PTPRT: variants seen among roughly 807,000 people sequenced by gnomAD.
PTPRT encodes the protein receptor-type tyrosine-protein phosphatase T.
A neutral mutation model predicts 176.8 loss-of-function variants in PTPRT; 56 were observed. That is an observed-to-expected ratio of 0.32 (90% confidence interval 0.26 to 0.40). PTPRT has a LOEUF of 0.40. Ranked by LOEUF, PTPRT falls within the 10% of genes least tolerant of loss-of-function variation. The pLI, the probability that PTPRT is intolerant of heterozygous loss-of-function variation, is 1.00. For missense variants in PTPRT, 1,540 were observed against 1,908.2 expected (o/e 0.81, Z 3.60); for synonymous variants, 783 against 739.0 (o/e 1.06, Z -0.96).
intron 9 of PTPRT, among the ~76,000 whole-genome samples, chr20:42,386,380 G>A (rs1383313815): frequency 2.6e-5 from 4 of 152,140 alleles, no homozygotes; most frequent in Non-Finnish European, 4.4e-5. Context: ...AACTAAAAAT[G>A]GAGGTAAAAC....
intron 30 of PTPRT, among the ~76,000 whole-genome samples, chr20:42,081,234 A>C (rs556955226): frequency 1.3e-5 from 2 of 152,148 alleles, no homozygotes; most frequent in African/African-American, 4.8e-5. Flanking sequence ...AATCTTTTTA[A>C]AATGCACATT....
intron 7 of PTPRT, among the ~76,000 whole-genome samples, chr20:42,621,421 A>G (rs898583202): frequency 3.3e-5 from 5 of 152,208 alleles, no homozygotes; most frequent in African/African-American, 1.2e-4. Flanking sequence ...CAAAAGAGAA[A>G]AATAAGTTAT....
At chr20:43,056,933 A>G (rs756283388) in intron 1 of PTPRT, among the ~76,000 whole-genome samples, 2 of 151,992 alleles carry the variant, frequency 1.3e-5, no homozygotes, top group Non-Finnish European at 2.9e-5. Flanking sequence ...GCTTCCTTTT[A>G]TCTTAAAAGT....
chr20:42,110,605 G>GTGTT lies in PTPRT; in HGVS notation c.3100-122_3100-119dup, dbSNP rs532963180. The GTGTT allele has an allele frequency of 6.3e-3, 7,057 of 1,114,926 alleles. 54 individuals are homozygous for GTGTT. Among genetic ancestry groups the GTGTT allele is most frequent in the Middle Eastern group, 0.038 (122 of 3,176 alleles). The allele number at this position is 1,114,926 out of a possible 1,614,324, so 69.1% of individuals were successfully genotyped here. On this transcript the variant is annotated intron_variant, in intron 22 of 30. Coordinates refer to ENST00000373187, the MANE Select transcript of PTPRT (RefSeq NM_007050.6). ...CTCCCGCAGGGACAGGGCCCTCACA[G>GTGTT]TGTTTGTTAATAGGTGTTACTGGAT...
At chr20:42,239,249 A>T (rs1316824500) in intron 14 of PTPRT, among the ~76,000 whole-genome samples, 1 of 152,102 alleles carries the variant, frequency 6.6e-6, no homozygotes, top group Non-Finnish European at 1.5e-5. Flanking sequence ...TTTAGCACAC[A>T]TTAACTCATG....
At chr20:42,795,808 A>G (rs2077445883) in intron 2 of PTPRT, among the ~76,000 whole-genome samples, 1 of 152,238 alleles carries the variant, frequency 6.6e-6, no homozygotes, top group African/African-American at 2.4e-5. Flanking sequence ...CTGGGCCTCA[A>G]TGCCCTCATC....
chr20:42,765,931 C>T (rs938908144), intron 5 of PTPRT, among the ~76,000 whole-genome samples: 3 of 152,092 alleles, frequency 2.0e-5, no homozygotes, highest in Non-Finnish European at 4.4e-5. Context: ...ATTGCAGATA[C>T]ATTTTTGTCC....
At chr20:43,152,536 C>T (rs921404987) in intron 1 of PTPRT, among the ~76,000 whole-genome samples, 1 of 152,218 alleles carries the variant, frequency 6.6e-6, no homozygotes, top group East Asian at 1.9e-4. Context: ...GCCATCCCCA[C>T]TGTGTGCCCC....
chr20:42,441,499 G>A (rs6130131), intron 9 of PTPRT, among the ~76,000 whole-genome samples: 14 of 152,278 alleles, frequency 9.2e-5, no homozygotes, highest in Middle Eastern at 6.8e-3. Flanking sequence ...TCAGTGCCTC[G>A]AAGTTAAGAT....
At chr20:42,394,268 C>A (rs1328186054) in intron 9 of PTPRT, among the ~76,000 whole-genome samples, 1 of 152,026 alleles carries the variant, frequency 6.6e-6, no homozygotes, top group Non-Finnish European at 1.5e-5. Flanking sequence ...AGGTTTATTC[C>A]ACCTCGAGAA....
intron 1 of PTPRT, among the ~76,000 whole-genome samples, chr20:43,015,175 C>G (rs1985311030): frequency 6.6e-6 from 1 of 152,168 alleles, no homozygotes; most frequent in Non-Finnish European, 1.5e-5. Context: ...TCTTAGAAAA[C>G]AGAGAGGTAG....
intron 1 of PTPRT, among the ~76,000 whole-genome samples, chr20:43,117,598 CAG>C (rs1266932523): frequency 6.6e-6 from 1 of 152,070 alleles, no homozygotes; most frequent in Non-Finnish European, 1.5e-5. Flanking sequence ...ACCAAAGGGA[CAG>C]GGTAACAGAA....
rs1055977312 is a variant in PTPRT at position 42,706,017 on chromosome 20, G to T, written c.860-27858C>A. ...GGAGAGGTTGGAGTGGAGATTAGGG[G>T]GTGGGGAACAGGTTTCCCAAGCTCC... On this transcript the variant is annotated intron_variant, in intron 6 of 30. Transcript: ENST00000373187. 2.0e-5 allele frequency among the ~76,000 whole-genome samples: 3 copies of T among 152,084 alleles called. No individual in the cohort carries two copies. In the East Asian group the frequency reaches 5.8e-4, roughly 29 times the overall value.
chr20:42,991,462 T>C (rs1446431383), intron 1 of PTPRT, among the ~76,000 whole-genome samples: 1 of 151,756 alleles, frequency 6.6e-6, no homozygotes, highest in East Asian at 1.9e-4. Flanking sequence ...ATAAATAAGC[T>C]ATCTGAAATA....
intron 7 of PTPRT, among the ~76,000 whole-genome samples, chr20:42,598,416 A>G (rs1008290802): frequency 2.0e-5 from 3 of 152,178 alleles, no homozygotes; most frequent in African/African-American, 7.2e-5. Flanking sequence ...TGTTTTTTAA[A>G]TGCGAGAGTA....
At chr20:42,625,859 T>A (rs2074279517) in intron 7 of PTPRT, among the ~76,000 whole-genome samples, 3 of 151,848 alleles carry the variant, frequency 2.0e-5, no homozygotes, top group Admixed American at 2.0e-4. Flanking sequence ...CTACCTTGAG[T>A]GCTTGTTCAC....
chr20:42,397,634 G>A (rs578069837), intron 9 of PTPRT, among the ~76,000 whole-genome samples: 7 of 152,018 alleles, frequency 4.6e-5, no homozygotes, highest in South Asian at 2.1e-4. Flanking sequence ...TTTCTTTTTC[G>A]GGTCTGCATA....
intron 29 of PTPRT, 28 bp from the exon 30 acceptor site, chr20:42,082,045 T>C (rs1309353989): frequency 5.0e-6 from 8 of 1,613,806 alleles, no homozygotes; most frequent in Non-Finnish European, 6.8e-6. Context: ...AGGTGAGCCA[T>C]GTTCCTAGGT....
chr20:42,737,953 G>A (rs531768581), intron 6 of PTPRT, among the ~76,000 whole-genome samples: 3 of 152,300 alleles, frequency 2.0e-5, no homozygotes, highest in East Asian at 1.9e-4. Context: ...GTGTTAGCCC[G>A]AGGGGTAGGG....
Sources: allele counts gnomAD v4.1 joint callset (sites outside exome capture counted in the v4.1 genomes callset), GRCh38; gene constraint gnomAD v4.1.1; transcripts MANE v1.5; gene names NCBI Gene and HGNC (gene_info 2026-07-23, HGNC 2026-07-21).